Variants in COQ5 observed in about 807,000 individuals in gnomAD.
COQ5 encodes the protein 2-methoxy-6-polyprenyl-1,4-benzoquinol methylase, mitochondrial.
In COQ5, 27 loss-of-function variants were observed where a neutral mutation model predicts 40.5. The observed-to-expected ratio is 0.67, with a 90% CI of 0.49 to 0.92. The LOEUF (loss-of-function observed/expected upper bound fraction) is 0.92, where lower values mean the gene tolerates loss of function less well. Among genes scored for constraint, COQ5 ranks in the 40% least tolerant of loss-of-function variants. The pLI is 0.00. For synonymous variants in COQ5, 141 were observed against 150.0 expected, an observed-to-expected ratio of 0.94 and a Z score of 0.44; for missense variants, 409 against 406.4, an observed-to-expected ratio of 1.01 and a Z score of -0.06.
Position 120,504,007 on chromosome 12 carries a change from T to C in COQ5, c.845A>G (p.Gln282Arg). 1 of 1,613,638 alleles carries C rather than the reference T, an allele frequency of 6.2e-7. No individual in the cohort carries two copies. The change falls in exon 6 of 7, where the codon CAG becomes CGG. Residue 282 changes from glutamine to arginine, a missense_variant. By Grantham distance (43) the Gln-to-Arg change is conservative. Coordinates refer to ENST00000288532, the MANE Select transcript of COQ5 (RefSeq NM_032314.4). The stretch of plus-strand genomic sequence containing the variant: ...CCTTCGGATACTCTCTACAAGGTAC[T>C]GATAGGACTTCCAGTCTCCAGCGAT... ...EVIAGDWKSY[Q>R]YLVESIRRFP...
chr12:120,513,477 G>C (rs1032631518), intron 3 of COQ5, among the ~76,000 whole-genome samples: 3 of 150,796 alleles, frequency 2.0e-5, no homozygotes, highest in African/African-American at 7.3e-5. Flanking sequence ...ACTCCAGCCT[G>C]GGCGACAGAG....
chr12:120,521,550 C>T lies in COQ5; in HGVS notation c.352+664G>A, dbSNP rs545321376. 2.9e-3 allele frequency among the ~76,000 whole-genome samples: 438 copies of T among 152,116 alleles called. 1 individual carries two copies. Among genetic ancestry groups the T allele is most frequent in the African/African-American group, 9.8e-3 (407 of 41,538 alleles). On this transcript the variant is annotated intron_variant, in intron 2 of 6. Coordinates refer to ENST00000288532, the MANE Select transcript of COQ5 (RefSeq NM_032314.4). Reference sequence around the variant, plus strand: ...AATTAGCCAGGCGTGGTGGTGCATGCCTATAATCCCAGCTACTCAGGAGGC... The same window carrying T: ...AATTAGCCAGGCGTGGTGGTGCATGTCTATAATCCCAGCTACTCAGGAGGC...
chr12:120,516,463 G>C (rs1593019727), intron 3 of COQ5, 104 bp downstream of exon 3: 1 of 1,011,896 alleles, frequency 9.9e-7, no homozygotes, highest in Non-Finnish European at 1.6e-6. Context: ...CCATCTATAA[G>C]TTTCTGAAAG....
chr12:120,518,552 T>A (rs1426581260), intron 2 of COQ5, among the ~76,000 whole-genome samples: 1 of 151,774 alleles, frequency 6.6e-6, no homozygotes, highest in Non-Finnish European at 1.5e-5. Context: ...CTCCAGTCAT[T>A]TTTTATTTTA....
At chr12:120,509,809 G>GGGTTCCTGTAA (rs1869045976) in intron 4 of COQ5, 1 of 576,296 alleles carries the variant, frequency 1.7e-6, no homozygotes, top group African/African-American at 1.9e-5. Context: ...GTGTGGTGGT[G>GGGTTCCTGTAA]GGTTCCTGTA....
chr12:120,518,972 AT>A (rs1869519950), intron 2 of COQ5, among the ~76,000 whole-genome samples: 1 of 152,270 alleles, frequency 6.6e-6, no homozygotes, highest in Admixed American at 6.5e-5. Flanking sequence ...AGGTATGCAT[AT>A]AACAACATTT....
chr12:120,504,546 C>A (rs1041038791), intron 5 of COQ5: 11 of 274,248 alleles, frequency 4.0e-5, no homozygotes, highest in African/African-American at 3.6e-4. Context: ...CTGCACTTGG[C>A]CCAAATTTCC....
At chr12:120,504,138 T>A in intron 5 of COQ5, 57 bp from the exon 6 acceptor site, 1 of 1,051,528 alleles carries the variant, frequency 9.5e-7, no homozygotes, top group Non-Finnish European at 1.5e-6. Flanking sequence ...ACTTCTTCCC[T>A]AGATAAGAAG....
At chr12:120,511,871 T>C (rs566405680) in intron 3 of COQ5, among the ~76,000 whole-genome samples, 2 of 152,306 alleles carry the variant, frequency 1.3e-5, no homozygotes, top group South Asian at 2.1e-4. Flanking sequence ...CAATTGGTTA[T>C]TGGTTATATG....
intron 1 of COQ5, chr12:120,526,600 A>AT: frequency 3.0e-6 from 1 of 330,578 alleles, no homozygotes; most frequent in South Asian, 2.4e-5. Context: ...TCAGAAGTAG[A>AT]TAAAAACTTA....
At chr12:120,525,208 T>C (rs1436790763) in intron 1 of COQ5, among the ~76,000 whole-genome samples, 1 of 152,096 alleles carries the variant, frequency 6.6e-6, no homozygotes, top group East Asian at 1.9e-4. Flanking sequence ...CAAGTGATTC[T>C]CCTGCCTCAG....
intron 3 of COQ5, among the ~76,000 whole-genome samples, chr12:120,513,223 G>A (rs1163073513): frequency 6.7e-6 from 1 of 148,368 alleles, no homozygotes; most frequent in Non-Finnish European, 1.5e-5. Flanking sequence ...GTAGTTAAGG[G>A]CCAGGTGCAG....
chr12:120,528,649 A>G (rs918568743), intron 1 of COQ5, among the ~76,000 whole-genome samples: 1 of 151,864 alleles, frequency 6.6e-6, no homozygotes, highest in Non-Finnish European at 1.5e-5. Flanking sequence ...TAAGAATACA[A>G]AAAAGTTAGC....
intron 1 of COQ5, among the ~76,000 whole-genome samples, chr12:120,524,804 C>T (rs1471468913): frequency 2.0e-5 from 3 of 151,728 alleles, no homozygotes; most frequent in Non-Finnish European, 4.4e-5. Context: ...TTTCCAAGTG[C>T]GCTCTTTCCT....
At chr12:120,513,694 A>G (rs1284951765) in intron 3 of COQ5, among the ~76,000 whole-genome samples, 2 of 151,558 alleles carry the variant, frequency 1.3e-5, no homozygotes, top group African/African-American at 4.8e-5. Flanking sequence ...TAATTTTTGT[A>G]TTTTTAGTAG....
At chr12:120,519,773 G>A (rs1869554654) in intron 2 of COQ5, among the ~76,000 whole-genome samples, 1 of 151,538 alleles carries the variant, frequency 6.6e-6, no homozygotes, top group South Asian at 2.1e-4. Context: ...AGGAGGCCGA[G>A]GCAGGAAAAT....
chr12:120,511,788 C>A (rs1400841065), intron 3 of COQ5, among the ~76,000 whole-genome samples: 1 of 152,072 alleles, frequency 6.6e-6, no homozygotes. Context: ...ACGAATGAAT[C>A]CATGCAAAAA....
In COQ5 at chr12:120,523,065, G is replaced by A. The variant is rs965971297; in HGVS notation, c.203-702C>T. 6.9e-5 allele frequency: 28 copies of A among 406,124 alleles called. No individual in the cohort carries two copies. The Admixed American group carries it at 1.0e-3, about 15-fold the overall frequency. The allele number at this position is 406,124 out of a possible 1,614,324, so 25.2% of individuals were successfully genotyped here. ...AAAAAGAGATTCTTATCGGCCAGGC[G>A]CGGTGGCTCATGCCTGTAATCCCAG... On this transcript the variant is annotated intron_variant, in intron 1 of 6. Transcript: ENST00000288532.
rs115943032 is a variant in COQ5 at position 120,505,148 on chromosome 12, G to A, written c.682-165C>T. Among the ~76,000 whole-genome samples, 475 of 152,288 alleles carry A rather than the reference G, an allele frequency of 3.1e-3. 8 individuals are homozygous for A. Among genetic ancestry groups the A allele is most frequent in the African/African-American group, 0.011 (437 of 41,580 alleles). On this transcript the variant is annotated intron_variant, in intron 4 of 6. Coordinates refer to ENST00000288532, the MANE Select transcript of COQ5 (RefSeq NM_032314.4). The stretch of plus-strand genomic sequence containing the variant: ...GCTGTAACAGCAGCAATAACCCTAC[G>A]TATCCCAAATGCTATAGGCATTCTG...
Sources: allele counts gnomAD v4.1 joint callset (sites outside exome capture counted in the v4.1 genomes callset), GRCh38; gene constraint gnomAD v4.1.1; transcripts MANE v1.5; gene names NCBI Gene and HGNC (gene_info 2026-07-23, HGNC 2026-07-21).